BRD1: variants seen among roughly 807,000 people sequenced by gnomAD.
The protein encoded by BRD1 is bromodomain-containing protein 1.
Under a neutral mutation model 107.7 loss-of-function variants are expected in BRD1, and 24 were observed. That is an observed-to-expected ratio of 0.22 (90% CI 0.16 to 0.31). BRD1 has a LOEUF of 0.31. Ranked by LOEUF, BRD1 falls within the 10% of genes least tolerant of loss-of-function variation. BRD1 has a pLI of 1.00. For missense variants in BRD1, 1,279 were observed against 1,638.6 expected (o/e 0.78, Z 3.79); for synonymous variants, 744 against 686.1 (o/e 1.08, Z -1.32).
intron 2 of BRD1, among the ~76,000 whole-genome samples, chr22:49,807,509 G>A (rs1284534827): frequency 6.6e-6 from 1 of 152,314 alleles, no homozygotes; most frequent in African/African-American, 2.4e-5. Flanking sequence ...ACCATTCAGA[G>A]GGGAAAAGAC....
intron 12 of BRD1, 126 bp downstream of exon 12, chr22:49,775,465 C>T: frequency 1.0e-6 from 1 of 981,470 alleles, no homozygotes. Flanking sequence ...GCACTCACCT[C>T]CGACTTTAGC....
In BRD1 at chr22:49,824,041, T is replaced by C; in HGVS notation, c.277A>G (p.Lys93Glu). ...TTTTTCTTTTTGACTCTGTTGTTTT[T>C]GTGACGCTTAGTTCTTAAGCAGACA... The part of the protein sequence containing the change: ...PPVCLRTKRH[K>E]NNRVKKKNEA... The change falls in exon 2 of 13, where the codon AAA becomes GAA. Residue 93 changes from lysine to glutamate, a missense_variant. This residue lies in a region of BRD1 where 223 missense variants were observed against 263.5 expected (regional missense o/e 0.85). Coordinates refer to ENST00000404760, the MANE Select transcript of BRD1 (RefSeq NM_001304808.3). This position sits in a 1 kb window ranked among gnomAD's most constrained non-coding sequence, Gnocchi z 5.9. The C allele has an allele frequency of 6.2e-7, 1 of 1,613,926 alleles. No homozygotes were observed. The highest frequency in any genetic ancestry group is 2.2e-5 in the East Asian group (1 of 44,884).
intron 7 of BRD1, 83 bp from the exon 8 acceptor site, chr22:49,787,970 A>G: frequency 8.0e-7 from 1 of 1,242,312 alleles, no homozygotes; most frequent in East Asian, 2.5e-5. Context: ...TGTGAAGTCC[A>G]CCAAAATACT....
chr22:49,801,490 A>T (rs900101327), intron 3 of BRD1, among the ~76,000 whole-genome samples: 10 of 152,038 alleles, frequency 6.6e-5, no homozygotes, highest in African/African-American at 2.4e-4. Context: ...ATGAAACCAC[A>T]CCAAGCCGTG....
intron 8 of BRD1, among the ~76,000 whole-genome samples, chr22:49,784,177 T>C (rs1164056042): frequency 4.2e-5 from 6 of 143,282 alleles, no homozygotes; most frequent in Admixed American, 7.0e-5. Flanking sequence ...CCCCAGCACA[T>C]GCACACAGAG....
intron 12 of BRD1, 164 bp downstream of exon 12, chr22:49,775,427 T>C: frequency 1.6e-6 from 1 of 641,836 alleles, no homozygotes; most frequent in Non-Finnish European, 2.3e-6. Context: ...GGCTGGGCAG[T>C]GCCCTTCTCC....
chr22:49,784,251 C>T (rs1208915662), intron 8 of BRD1, among the ~76,000 whole-genome samples: 1 of 151,190 alleles, frequency 6.6e-6, no homozygotes, highest in Non-Finnish European at 1.5e-5. Flanking sequence ...CTCTCACGCC[C>T]CAGCACGTGC....
chr22:49,794,335 G>A lies in BRD1; in HGVS notation c.2099-41C>T, dbSNP rs753706638. On this transcript the variant is annotated intron_variant, in intron 6 of 12. Transcript: ENST00000404760. The stretch of plus-strand genomic sequence containing the variant: ...CATGCTGTCAGTCATCAGGTCCCAC[G>A]CACCTTCTGGGAACACATCACCGGT... 21 of 1,572,008 alleles carry A rather than the reference G, an allele frequency of 1.3e-5. No individual in the cohort carries two copies. The Middle Eastern group carries it at 5.1e-4, about 38-fold the overall frequency.
Position 49,794,101 on chromosome 22 carries a change from G to C in BRD1, c.2292C>G (p.Pro764=). The C allele has an allele frequency of 6.2e-7, 1 of 1,614,220 alleles. No individual in the cohort carries two copies. Among genetic ancestry groups the C allele is most frequent in the East Asian group, 2.2e-5 (1 of 44,888 alleles). The change falls in exon 7 of 13, where the codon CCC becomes CCG. Residue 764 remains proline (P), a synonymous_variant. Coordinates refer to ENST00000404760, the MANE Select transcript of BRD1 (RefSeq NM_001304808.3). The part of the protein sequence containing the change: ...KLSQQHSQPL[P]TGPGLEGFEE... ...CGAAGCCTTCCAAGCCTGGCCCCGT[G>C]GGCAGGGGCTGGCTGTGCTGCTGGC...
chr22:49,811,341 A>G (rs2059845180), intron 2 of BRD1, among the ~76,000 whole-genome samples: 1 of 152,166 alleles, frequency 6.6e-6, no homozygotes, highest in Admixed American at 6.5e-5. Flanking sequence ...TGATAAATGC[A>G]CAACTCTGTG....
intron 6 of BRD1, among the ~76,000 whole-genome samples, chr22:49,795,801 G>C (rs907077039): frequency 6.6e-6 from 1 of 152,234 alleles, no homozygotes; most frequent in African/African-American, 2.4e-5. Context: ...CCAGAGGCTA[G>C]AGAAGGACCT....
chr22:49,782,896 A>G (rs559914111), intron 8 of BRD1, among the ~76,000 whole-genome samples: 21 of 148,028 alleles, frequency 1.4e-4, no homozygotes, highest in African/African-American at 5.3e-4. Context: ...AGACAGACCC[A>G]AGGCCCAGGC....
rs1305534752 is a variant in BRD1, at chr22:49,808,156, G to A, written c.1368-3796C>T. ...TCAAACACTTAAAGACAGAAATGCC[G>A]TGTGACCTGGCAATCCCACTTCCGG... On this transcript the variant is annotated intron_variant, in intron 2 of 12. Transcript: ENST00000404760. Among the ~76,000 whole-genome samples, 8 of 152,288 alleles carry A rather than the reference G, an allele frequency of 5.3e-5. No individual in the cohort carries two copies. In the East Asian group the frequency reaches 1.2e-3, roughly 22 times the overall value.
At chr22:49,796,315 C>T (rs1232890986) in intron 6 of BRD1, among the ~76,000 whole-genome samples, 4 of 151,332 alleles carry the variant, frequency 2.6e-5, no homozygotes, top group African/African-American at 4.9e-5. Context: ...AGGATGGTCT[C>T]GACCTCCTGA....
chr22:49,823,988 C>T lies in BRD1; in HGVS notation c.330G>A (p.Thr110=), dbSNP rs746078523. 1.5e-5 allele frequency: 25 copies of T among 1,613,812 alleles called. No homozygotes were observed. The highest frequency in any genetic ancestry group is 1.6e-4 in the Middle Eastern group (1 of 6,084). ...CCGGGAGGGCACTGGCCGAGGCCGG[C>T]GTGCCGTGGGCGCTGGGGAGGGCCT... ...KNEALPSAHG[T]PASASALPEP... is the part of the protein sequence containing the mutation. Residue 110 remains threonine, a synonymous_variant, in exon 2 of 13, where the codon ACG becomes ACA. Coordinates refer to ENST00000404760, the MANE Select transcript of BRD1 (RefSeq NM_001304808.3).
At chr22:49,789,490 T>G (rs898385893) in intron 7 of BRD1, among the ~76,000 whole-genome samples, 1 of 139,768 alleles carries the variant, frequency 7.2e-6, no homozygotes, top group Non-Finnish European at 1.6e-5. Context: ...CCTCCTAGCC[T>G]CCCCCCCCCG....
At chr22:49,818,080 G>T in intron 2 of BRD1, 2 of 391,044 alleles carry the variant, frequency 5.1e-6, no homozygotes, top group Non-Finnish European at 7.2e-6. Context: ...CCCTTCCTAA[G>T]GCTGACCAAG....
rs1339556243 is a variant in BRD1, at chr22:49,823,280, G to A, written c.1038C>T (p.Cys346=). The A allele has an allele frequency of 6.2e-7, 1 of 1,614,210 alleles. No homozygotes were observed. Among genetic ancestry groups the A allele is most frequent in the South Asian group, 1.1e-5 (1 of 91,086 alleles). ...GACIQCHKAN[C]YTAFHVTCAQ... ...CACACGTCACATGGAATGCTGTGTA[G>A]CAGTTTGCTTTGTGGCACTGGATGC... is the stretch of plus-strand genomic sequence containing the variant. The change falls in exon 2 of 13, where the codon TGC becomes TGT. Residue 346 remains cysteine, a synonymous_variant. Coordinates refer to ENST00000404760, the MANE Select transcript of BRD1 (RefSeq NM_001304808.3).
intron 2 of BRD1, among the ~76,000 whole-genome samples, chr22:49,816,685 G>C (rs1372653985): frequency 6.6e-6 from 1 of 152,298 alleles, no homozygotes; most frequent in Non-Finnish European, 1.5e-5. Context: ...GATTGCTTAA[G>C]CCCAGGAATT....
Sources: gnomAD v4.1 joint callset for allele counts (sites outside exome capture counted in the v4.1 genomes callset) on GRCh38, gnomAD v4.1.1 for gene constraint, gnomAD v4.1.1 regional missense constraint, Gnocchi (gnomAD v3.1) non-coding constraint, MANE v1.5 for transcripts, NCBI Gene and HGNC (gene_info 2026-07-23, HGNC 2026-07-21) for gene names.